Variants in GOSR1 observed in about 807,000 individuals in gnomAD.
GOSR1 encodes 28 kDa Golgi SNARE protein.
GOSR1 carries 21 observed loss-of-function variants against 35.5 expected under a neutral mutation model. The ratio of observed to expected loss-of-function variants is 0.59; its 90% CI spans 0.42 to 0.85. The LOEUF (loss-of-function observed/expected upper bound fraction) is 0.85, where lower values mean the gene tolerates loss of function less well. Among genes scored for constraint, GOSR1 ranks in the 40% least tolerant of loss-of-function variants. GOSR1 has a pLI of 0.00. For synonymous variants in GOSR1, 94 were observed against 106.6 expected (o/e 0.88, Z 0.73); for missense variants, 285 against 309.6 (o/e 0.92, Z 0.60).
chr17:30,480,722 C>CTTTTTTTTTTTTTTTTTTTTTTTTTTTTT (rs71138892), intron 1 of GOSR1: 1 of 139,756 alleles, frequency 7.2e-6, no homozygotes, highest in African/African-American at 2.7e-5. Flanking sequence ...TTTTATTTTC[C>CTTTTTTTTTTTTTTTTTTTTTTTTTTTTT]TTTTTTTGAG....
chr17:30,492,552 G>T (rs891174023), intron 5 of GOSR1, 127 bp from the exon 6 acceptor site: 4 of 607,236 alleles, frequency 6.6e-6, no homozygotes, highest in Non-Finnish European at 1.2e-5. Context: ...AAAGGATTAT[G>T]TACTTTCATT....
At chr17:30,502,015 A>G (rs1967226879) in intron 6 of GOSR1, among the ~76,000 whole-genome samples, 1 of 152,264 alleles carries the variant, frequency 6.6e-6, no homozygotes, top group Non-Finnish European at 1.5e-5. Flanking sequence ...ATGCAATGGA[A>G]TATTATTCAG....
chr17:30,500,059 T>C (rs1967147206), intron 6 of GOSR1, among the ~76,000 whole-genome samples: 2 of 152,222 alleles, frequency 1.3e-5, no homozygotes, highest in African/African-American at 4.8e-5. Context: ...AAGGGTTCTT[T>C]GTGTACTCTG....
rs550081646 is a variant in GOSR1, at chr17:30,484,857, TATTTA to T, written c.342+89_342+93del. The T allele has an allele frequency of 1.6e-4, 122 of 760,414 alleles. No individual in the cohort carries two copies. The East Asian group carries it at 1.7e-3, about 11-fold the overall frequency. The allele number at this position is 760,414 out of a possible 1,614,324, so 47.1% of individuals were successfully genotyped here. On this transcript the variant is annotated intron_variant, in intron 4 of 8. Transcript: ENST00000451249. ...TCCCTGCATTGGATATGTGCACATATATTTAAAAGGACAAAGAGAAAAATCTGAGA... is the reference window on the plus strand; with the variant it reads ...TCCCTGCATTGGATATGTGCACATATAAAGGACAAAGAGAAAAATCTGAGA...
intron 6 of GOSR1, among the ~76,000 whole-genome samples, chr17:30,493,129 G>A (rs1915150440): frequency 6.6e-6 from 1 of 152,058 alleles, no homozygotes; most frequent in Admixed American, 6.6e-5. Context: ...CAAGTAGCTG[G>A]GACTACAGGC....
intron 8 of GOSR1, among the ~76,000 whole-genome samples, chr17:30,521,588 C>CCA (rs1968036438): frequency 7.6e-6 from 1 of 132,188 alleles, no homozygotes; most frequent in African/African-American, 2.9e-5. Flanking sequence ...AGAATGTGTT[C>CCA]AAAAAAAAAA....
At chr17:30,487,697 A>G (rs1914762618) in intron 4 of GOSR1, among the ~76,000 whole-genome samples, 1 of 152,218 alleles carries the variant, frequency 6.6e-6, no homozygotes, top group Non-Finnish European at 1.5e-5. Context: ...ACATAAATTG[A>G]TGTAATGTTT....
At chr17:30,501,560 G>A (rs1049868886) in intron 6 of GOSR1, among the ~76,000 whole-genome samples, 26 of 151,440 alleles carry the variant, frequency 1.7e-4, no homozygotes, top group African/African-American at 5.1e-4. Flanking sequence ...GCAGTGGCGC[G>A]ATCTCGGCTC....
intron 6 of GOSR1, among the ~76,000 whole-genome samples, chr17:30,509,033 T>A (rs1181657470): frequency 2.0e-5 from 3 of 152,156 alleles, no homozygotes. Flanking sequence ...TGGAGTGCAG[T>A]GGCGCAATCT....
intron 1 of GOSR1, 165 bp from the exon 2 acceptor site, chr17:30,480,978 G>GT: frequency 2.0e-6 from 1 of 495,322 alleles, no homozygotes; most frequent in Non-Finnish European, 3.7e-6. Flanking sequence ...TCCCAAAGTG[G>GT]TGGGATTACA....
At chr17:30,519,772 G>A (rs914384999) in intron 7 of GOSR1, 167 bp from the exon 8 acceptor site, 2 of 555,810 alleles carry the variant, frequency 3.6e-6, no homozygotes, top group Non-Finnish European at 6.4e-6. Context: ...TTTGGAAAAA[G>A]CGCAGTGGTA....
chr17:30,510,909 G>A lies in GOSR1; in HGVS notation c.539G>A (p.Ser180Asn). 1 of 1,544,072 alleles carries A rather than the reference G, an allele frequency of 6.5e-7. No homozygotes were observed. The highest frequency in any genetic ancestry group is 2.3e-5 in the East Asian group (1 of 44,334). Reference sequence around the variant, plus strand: ...GATCGTCTGATAGAAGAGACAATAAGGTAGGAATAAGTTTTTGTTTTGCTT... The same window carrying A: ...GATCGTCTGATAGAAGAGACAATAAAGTAGGAATAAGTTTTTGTTTTGCTT... Reference protein sequence around the residue: ...NSDRLIEETISIAMATKENMT... With the variant: ...NSDRLIEETINIAMATKENMT... Residue 180 changes from serine to asparagine, a missense_variant and splice_region_variant, in exon 7 of 9, where the codon AGC becomes AAC. By Grantham distance (46) the Ser-to-Asn change is conservative. This residue lies in a region of GOSR1 where 168 missense variants were observed against 183.2 expected (regional missense o/e 0.92). Coordinates refer to ENST00000451249, the MANE Select transcript of GOSR1 (RefSeq NM_001007025.2).
At chr17:30,518,893 A>G (rs1049804130) in intron 7 of GOSR1, among the ~76,000 whole-genome samples, 4 of 152,208 alleles carry the variant, frequency 2.6e-5, no homozygotes, top group Admixed American at 6.5e-5. Context: ...CAATAGCCAC[A>G]GTCACACCAC....
intron 6 of GOSR1, among the ~76,000 whole-genome samples, chr17:30,497,239 A>G (rs982731917): frequency 6.6e-6 from 1 of 152,188 alleles, no homozygotes; most frequent in Non-Finnish European, 1.5e-5. Flanking sequence ...CTCTGAAATA[A>G]TAATAATAAT....
intron 6 of GOSR1, among the ~76,000 whole-genome samples, chr17:30,493,501 C>A (rs1199001641): frequency 6.6e-6 from 1 of 152,038 alleles, no homozygotes; most frequent in East Asian, 1.9e-4. Flanking sequence ...AATAAAATAA[C>A]ATTAAAATTA....
intron 7 of GOSR1, among the ~76,000 whole-genome samples, chr17:30,511,309 G>C (rs1967605710): frequency 6.6e-6 from 1 of 152,160 alleles, no homozygotes; most frequent in Non-Finnish European, 1.5e-5. Flanking sequence ...ATAGTTCATA[G>C]TATCTGTAAT....
intron 8 of GOSR1, among the ~76,000 whole-genome samples, 169 bp from the exon 9 acceptor site, chr17:30,522,085 G>A (rs1250151645): frequency 3.3e-5 from 5 of 152,208 alleles, no homozygotes; most frequent in African/African-American, 4.8e-5. Flanking sequence ...GCCGCAGCGC[G>A]TTCCCGGTTT....
chr17:30,485,011 A>G, intron 4 of GOSR1: 1 of 505,420 alleles, frequency 2.0e-6, no homozygotes, highest in South Asian at 2.0e-5. Context: ...ATCACTGGGT[A>G]CATATACTTC....
intron 6 of GOSR1, among the ~76,000 whole-genome samples, chr17:30,501,225 C>T (rs1180233363): frequency 2.6e-4 from 39 of 152,192 alleles, no homozygotes; most frequent in Non-Finnish European, 4.4e-5. Flanking sequence ...GAAAAAAGAT[C>T]TGAACAGCCA....
Sources: gnomAD v4.1 joint callset for allele counts (sites outside exome capture counted in the v4.1 genomes callset) on GRCh38, gnomAD v4.1.1 for gene constraint, gnomAD v4.1.1 regional missense constraint, MANE v1.5 for transcripts, NCBI Gene and HGNC (gene_info 2026-07-23, HGNC 2026-07-21) for gene names.